Variants in NFIB observed in about 807,000 individuals in gnomAD.
NFIB encodes the protein nuclear factor 1 B-type.
In NFIB, 11 loss-of-function variants were observed where a neutral mutation model predicts 61.5. The ratio of observed to expected loss-of-function variants is 0.18; its 90% CI spans 0.11 to 0.30. The LOEUF (loss-of-function observed/expected upper bound fraction) is 0.30, where lower values mean the gene tolerates loss of function less well. Among genes scored for constraint, NFIB ranks in the 10% least tolerant of loss-of-function variants. NFIB has a pLI of 1.00. For missense variants in NFIB, 471 were observed against 608.9 expected, an observed-to-expected ratio of 0.77 and a Z score of 2.38; for synonymous variants, 260 against 216.5, an observed-to-expected ratio of 1.20 and a Z score of -1.76.
At chr9:14,492,987 G>C in the NFIB span, among the ~76,000 whole-genome samples, 1 of 152,098 alleles carries the variant, frequency 6.6e-6, no homozygotes, top group African/African-American at 2.4e-5. Context: ...AGCCTCACTG[G>C]GTTTTGTTCA....
At chr9:14,121,483 A>G (rs1563805750) in intron 7 of NFIB, among the ~76,000 whole-genome samples, 1 of 152,230 alleles carries the variant, frequency 6.6e-6, no homozygotes. Context: ...AGGAAAGACA[A>G]TAACTAATAC....
chr9:14,517,507 G>A, the NFIB span, among the ~76,000 whole-genome samples: 10 of 152,180 alleles, frequency 6.6e-5, no homozygotes, highest in African/African-American at 4.8e-5. Flanking sequence ...TGCAGAAACA[G>A]CAGCCATCTG....
At chr9:14,184,064 C>T (rs1354665207) in intron 2 of NFIB, among the ~76,000 whole-genome samples, 7 of 150,194 alleles carry the variant, frequency 4.7e-5, no homozygotes, top group East Asian at 2.0e-4. Flanking sequence ...TTTTTAAAAG[C>T]GGTCAATCTC....
chr9:14,095,673 G>T (rs888718026), intron 10 of NFIB, among the ~76,000 whole-genome samples: 3 of 151,782 alleles, frequency 2.0e-5, no homozygotes, highest in Non-Finnish European at 4.4e-5. Flanking sequence ...AAAGCAAAAA[G>T]AGATTCTTTT....
chr9:14,337,506 C>A (rs2060898552), intron 1 of NFIB, among the ~76,000 whole-genome samples: 3 of 152,134 alleles, frequency 2.0e-5, no homozygotes, highest in Non-Finnish European at 4.4e-5. Flanking sequence ...TATTTCTTGA[C>A]TTGGGGTCAT....
At chr9:14,146,600 G>A in intron 6 of NFIB, 89 bp downstream of exon 6, 5 of 1,563,570 alleles carry the variant, frequency 3.2e-6, no homozygotes, top group Non-Finnish European at 4.4e-6. Flanking sequence ...ATCCATATTG[G>A]TTTAATTATG....
chr9:14,465,897 C>T, the NFIB span, among the ~76,000 whole-genome samples: 1 of 152,120 alleles, frequency 6.6e-6, no homozygotes, highest in Non-Finnish European at 1.5e-5. Context: ...TTGTGACAAT[C>T]GAAATGTGTC....
At chr9:14,252,597 G>A (rs921512736) in intron 2 of NFIB, among the ~76,000 whole-genome samples, 9 of 152,244 alleles carry the variant, frequency 5.9e-5, no homozygotes, top group Admixed American at 1.3e-4. Context: ...AATGACTGCA[G>A]TAACTACTAT....
chr9:14,180,491 A>G (rs568523390), intron 2 of NFIB, among the ~76,000 whole-genome samples: 2 of 152,316 alleles, frequency 1.3e-5, no homozygotes, highest in South Asian at 2.1e-4. Flanking sequence ...TTCCTACCCC[A>G]TACTATTCCT....
At chr9:14,354,395 G>A (rs1009947798) in intron 1 of NFIB, among the ~76,000 whole-genome samples, 11 of 152,300 alleles carry the variant, frequency 7.2e-5, no homozygotes, top group African/African-American at 2.6e-4. Flanking sequence ...TGGAAATTCT[G>A]CTACTAAGTG....
intron 2 of NFIB, among the ~76,000 whole-genome samples, chr9:14,285,556 T>G (rs528479030): frequency 6.6e-6 from 1 of 152,198 alleles, no homozygotes; most frequent in African/African-American, 2.4e-5. Context: ...TTATCTAGAA[T>G]TACAGTTAAG....
At chr9:14,455,943 G>C in the NFIB span, among the ~76,000 whole-genome samples, 2 of 152,156 alleles carry the variant, frequency 1.3e-5, no homozygotes, top group Admixed American at 6.5e-5. Context: ...ACATATACAA[G>C]TTCATTCGGA....
At chr9:14,180,360 C>A (rs2131442983) in intron 2 of NFIB, among the ~76,000 whole-genome samples, 1 of 152,256 alleles carries the variant, frequency 6.6e-6, no homozygotes, top group Non-Finnish European at 1.5e-5. Context: ...GCATAAATTA[C>A]TAGGTAGAAA....
the NFIB span, among the ~76,000 whole-genome samples, chr9:14,423,877 A>G: frequency 9.9e-5 from 15 of 152,064 alleles, no homozygotes; most frequent in Non-Finnish European, 2.1e-4. Flanking sequence ...AAGTCATGAG[A>G]TCTTTATTTT....
At chr9:14,136,118 T>C (rs1035551157) in intron 6 of NFIB, among the ~76,000 whole-genome samples, 1 of 152,122 alleles carries the variant, frequency 6.6e-6, no homozygotes, top group African/African-American at 2.4e-5. Context: ...CTTAAAAAAA[T>C]CCTTTGAATA....
chr9:14,476,785 A>G, the NFIB span, among the ~76,000 whole-genome samples: 1 of 152,220 alleles, frequency 6.6e-6, no homozygotes, highest in Non-Finnish European at 1.5e-5. Context: ...GGTGCCCACA[A>G]TCTCTTCAAT....
At chr9:14,217,394 C>T (rs1215810732) in intron 2 of NFIB, among the ~76,000 whole-genome samples, 2 of 152,262 alleles carry the variant, frequency 1.3e-5, no homozygotes, top group Non-Finnish European at 1.5e-5. Context: ...GGCGCGGTGG[C>T]TCACGTCTGT....
At position 14,307,611 on chromosome 9, in the gene NFIB, T is replaced by C; in HGVS notation, c.31-91A>G. On this transcript the variant is annotated intron_variant, in intron 1 of 10. Coordinates refer to ENST00000380953, the MANE Select transcript of NFIB (RefSeq NM_001190737.2). This position sits in a 1 kb window ranked among gnomAD's most constrained non-coding sequence, Gnocchi z 5.3. ...TAAGAAAAGAAGACCACAACCCGTT[T>C]CCAATTCAGTACAAAAAGTTATACA... The C allele has an allele frequency of 1.6e-6, 2 of 1,215,848 alleles. No homozygotes were observed. The highest frequency in any genetic ancestry group is 2.2e-6 in the Non-Finnish European group (2 of 898,798). 75.3% of individuals were successfully genotyped at this position (1,215,848 alleles called of 1,614,324 possible).
chr9:14,450,221 T>A, the NFIB span, among the ~76,000 whole-genome samples: 1 of 152,144 alleles, frequency 6.6e-6, no homozygotes, highest in African/African-American at 2.4e-5. Context: ...CATGCGGTGT[T>A]TGGTTTTCTG....
Sources: gnomAD v4.1 joint callset for allele counts (sites outside exome capture counted in the v4.1 genomes callset) on GRCh38, gnomAD v4.1.1 for gene constraint, Gnocchi (gnomAD v3.1) non-coding constraint, MANE v1.5 for transcripts, NCBI Gene and HGNC (gene_info 2026-07-23, HGNC 2026-07-21) for gene names.